PCDHA7: variants seen among roughly 807,000 people sequenced by gnomAD.
PCDHA7 encodes protocadherin alpha 7.
In PCDHA7, 37 loss-of-function variants were observed where a neutral mutation model predicts 57.2. The ratio of observed to expected loss-of-function variants is 0.65; its 90% CI spans 0.50 to 0.85. PCDHA7 has a LOEUF of 0.85. Among genes scored for constraint, PCDHA7 ranks in the 40% least tolerant of loss-of-function variants. PCDHA7 has a pLI of 0.00. For synonymous variants in PCDHA7, 553 were observed against 558.8 expected, an observed-to-expected ratio of 0.99 and a Z score of 0.15; for missense variants, 1,188 against 1,241.8, an observed-to-expected ratio of 0.96 and a Z score of 0.65.
At chr5:140,897,486 A>G (rs183789033) in intron 1 of PCDHA7, among the ~76,000 whole-genome samples, 2 of 151,962 alleles carry the variant, frequency 1.3e-5, no homozygotes, top group Admixed American at 6.5e-5. Flanking sequence ...ATGATTTCCA[A>G]TTTCAACCAT....
At chr5:140,841,506 G>A in intron 1 of PCDHA7, 1 of 1,613,388 alleles carries the variant, frequency 6.2e-7, no homozygotes, top group Non-Finnish European at 8.5e-7. Context: ...CTGGTGCCGC[G>A]CCTGTTCCGG....
chr5:140,917,853 G>A (rs1187603480), intron 1 of PCDHA7, among the ~76,000 whole-genome samples: 1 of 151,906 alleles, frequency 6.6e-6, no homozygotes, highest in African/African-American at 2.4e-5. Flanking sequence ...TTTTTGCTTA[G>A]GATTGCTTTG....
At chr5:140,871,861 T>C (rs1554165885) in intron 1 of PCDHA7, among the ~76,000 whole-genome samples, 1 of 152,272 alleles carries the variant, frequency 6.6e-6, no homozygotes, top group East Asian at 1.9e-4. Flanking sequence ...ATAATAACTA[T>C]GGATTATTTA....
chr5:140,883,616 G>T (rs781929949), intron 1 of PCDHA7: 69 of 1,613,896 alleles, frequency 4.3e-5, no homozygotes, highest in Non-Finnish European at 5.7e-5. Flanking sequence ...CGACGTGAAC[G>T]ACAACGCGCC....
intron 2 of PCDHA7, among the ~76,000 whole-genome samples, chr5:140,979,714 T>G (rs1428916313): frequency 4.6e-5 from 7 of 152,270 alleles, no homozygotes; most frequent in African/African-American, 1.7e-4. Context: ...TGATCCAGTA[T>G]CCATGCCATG....
chr5:140,929,327 T>A (rs782155915), intron 1 of PCDHA7: 1 of 1,536,752 alleles, frequency 6.5e-7, no homozygotes, highest in Admixed American at 2.1e-5. Context: ...AATGCCATGG[T>A]AAGCAAATTT....
At chr5:140,903,675 A>G (rs1554191078) in intron 1 of PCDHA7, among the ~76,000 whole-genome samples, 2 of 152,244 alleles carry the variant, frequency 1.3e-5, no homozygotes, top group Non-Finnish European at 2.9e-5. Flanking sequence ...GATATAAAAG[A>G]TGTTTGGTAA....
intron 1 of PCDHA7, among the ~76,000 whole-genome samples, chr5:140,889,028 C>T (rs1015343865): frequency 4.0e-5 from 6 of 151,754 alleles, no homozygotes; most frequent in African/African-American, 7.3e-5. Flanking sequence ...CTTGGATAAC[C>T]GTAATTTGAT....
intron 1 of PCDHA7, among the ~76,000 whole-genome samples, chr5:140,909,596 T>C (rs2074597089): frequency 6.6e-6 from 1 of 152,222 alleles, no homozygotes; most frequent in South Asian, 2.1e-4. Context: ...TGATTTACTA[T>C]TTTTCTAGGT....
chr5:140,940,988 T>G (rs2092713422), intron 1 of PCDHA7, among the ~76,000 whole-genome samples: 1 of 152,206 alleles, frequency 6.6e-6, no homozygotes, highest in African/African-American at 2.4e-5. Flanking sequence ...AGTTACAAGT[T>G]TATAGGATTA....
rs376556447 is a variant in PCDHA7 at position 140,885,103 on chromosome 5, CT to C, written c.2355+48372del. On this transcript the variant is annotated intron_variant, in intron 1 of 3. Transcript: ENST00000525929. The stretch of plus-strand genomic sequence containing the variant: ...AGCCCCATAACTTTTCACATAAATG[CT>C]TTTTTTAAGTGCACTTTTCTTTCTT... Among the ~76,000 whole-genome samples the C allele has an allele frequency of 4.5e-3, 686 of 152,136 alleles. 2 individuals are homozygous for C. Among genetic ancestry groups the C allele is most frequent in the African/African-American group, 0.016 (664 of 41,518 alleles).
chr5:140,927,093 G>T (rs781998184), intron 1 of PCDHA7: 1 of 1,612,818 alleles, frequency 6.2e-7, no homozygotes, highest in Non-Finnish European at 8.5e-7. Flanking sequence ...TCTACTTCGG[G>T]GTGGATCTAC....
intron 1 of PCDHA7, chr5:140,871,024 T>C: frequency 6.2e-7 from 1 of 1,613,196 alleles, no homozygotes; most frequent in Non-Finnish European, 8.5e-7. Context: ...CGAGGCAGAC[T>C]CGCCGCGCCA....
intron 1 of PCDHA7, chr5:140,877,728 G>A: frequency 1.2e-6 from 2 of 1,614,164 alleles, no homozygotes; most frequent in Non-Finnish European, 1.7e-6. Context: ...CTTACTCGCA[G>A]CAGAGGAGGC....
At chr5:140,875,577 C>G in intron 1 of PCDHA7, 1 of 1,614,082 alleles carries the variant, frequency 6.2e-7, no homozygotes, top group Non-Finnish European at 8.5e-7. Context: ...ACTACTCCGT[C>G]TACGAGGAGG....
Position 140,857,049 on chromosome 5 carries a change from C to T in PCDHA7, c.2355+20311C>T, listed in dbSNP as rs1390810771. On this transcript the variant is annotated intron_variant, in intron 1 of 3. Coordinates refer to ENST00000525929, the MANE Select transcript of PCDHA7 (RefSeq NM_018910.3). ...AACCCACCTATGGTTGGTCACTGCA[C>T]GGTCCTAGTGGAACTACTGGATGAA... 3.1e-6 allele frequency: 5 copies of T among 1,595,184 alleles called. No homozygotes were observed. In the African/African-American group the frequency reaches 5.4e-5, roughly 17 times the overall value.
rs543899552 is a variant in PCDHA7 at position 140,891,287 on chromosome 5, A to T, written c.2355+54549A>T. ...AATTTTTCCGTAAGTTATTGGGGGT[A>T]CAGGTGGTATTTGATTACATGAGTA... is the stretch of plus-strand genomic sequence containing the variant. On this transcript the variant is annotated intron_variant, in intron 1 of 3. Transcript: ENST00000525929. 3.9e-5 allele frequency among the ~76,000 whole-genome samples: 6 copies of T among 152,176 alleles called. No individual in the cohort carries two copies. In the South Asian group the frequency reaches 6.2e-4, roughly 16 times the overall value.
chr5:140,835,404 G>A lies in PCDHA7; in HGVS notation c.1021G>A (p.Val341Met). The change falls in exon 1 of 4, where the codon GTG (valine) becomes ATG (methionine). Residue 341 changes from valine (V) to methionine (M), a missense_variant. By Grantham distance (21) the Val-to-Met change is conservative. Around this residue, in one of 3 missense-constraint regions of PCDHA7, gnomAD observed 102 missense variants for 267.4 expected, o/e 0.38. Coordinates refer to ENST00000525929, the MANE Select transcript of PCDHA7 (RefSeq NM_018910.3). Reference protein sequence around the residue: ...AGHCTVLVEVVDVNDNAPQLT... With the variant: ...AGHCTVLVEVMDVNDNAPQLT... ...TCATTGTACAGTTCTTGTGGAAGTT[G>A]TGGATGTAAATGACAATGCTCCACA... The A allele has an allele frequency of 6.2e-7, 1 of 1,614,010 alleles. No homozygotes were observed. The highest frequency in any genetic ancestry group is 8.5e-7 in the Non-Finnish European group (1 of 1,179,878).
intron 1 of PCDHA7, chr5:140,869,555 G>C (rs2051240207): frequency 6.2e-7 from 1 of 1,614,054 alleles, no homozygotes; most frequent in Non-Finnish European, 8.5e-7. Flanking sequence ...TCGGACTCGC[G>C]TTTTCCACTA....
Sources: allele counts gnomAD v4.1 joint callset (sites outside exome capture counted in the v4.1 genomes callset), GRCh38; gene constraint gnomAD v4.1.1; regional missense constraint gnomAD v4.1.1; transcripts MANE v1.5; gene names NCBI Gene and HGNC (gene_info 2026-07-23, HGNC 2026-07-21).